Variants in SLC14A2 observed in about 807,000 individuals in gnomAD.
SLC14A2 encodes the protein solute carrier family 14 member 2.
A neutral mutation model predicts 104.6 loss-of-function variants in SLC14A2; 91 were observed. The observed-to-expected ratio is 0.87, with a 90% CI of 0.73 to 1.04. SLC14A2 has a LOEUF of 1.04. Among genes scored for constraint, SLC14A2 ranks in the 50% least tolerant of loss-of-function variants. SLC14A2 has a pLI of 0.00. For synonymous variants in SLC14A2, 476 were observed against 466.4 expected (o/e 1.02, Z -0.27); for missense variants, 1,189 against 1,156.0 (o/e 1.03, Z -0.41).
intron 1 of SLC14A2, among the ~76,000 whole-genome samples, chr18:45,437,684 T>C (rs1374375616): frequency 1.3e-5 from 2 of 152,210 alleles, no homozygotes; most frequent in African/African-American, 4.8e-5. Context: ...ATGCACTGCC[T>C]AAGCTCCAAT....
intron 16 of SLC14A2, among the ~76,000 whole-genome samples, chr18:45,670,947 A>C (rs2046123071): frequency 6.6e-6 from 1 of 152,126 alleles, no homozygotes; most frequent in South Asian, 2.1e-4. Flanking sequence ...ACAGGCGTGG[A>C]CCATTACACC....
At chr18:45,391,803 T>C (rs2085970761) in intron 1 of SLC14A2, among the ~76,000 whole-genome samples, 1 of 152,212 alleles carries the variant, frequency 6.6e-6, no homozygotes, top group Admixed American at 6.5e-5. Flanking sequence ...TTTGTTTGAG[T>C]TCATTGTAGA....
chr18:45,249,715 T>G (rs928028192), intron 1 of SLC14A2, among the ~76,000 whole-genome samples: 1 of 152,138 alleles, frequency 6.6e-6, no homozygotes, highest in Non-Finnish European at 1.5e-5. Context: ...TTTGAGAGGC[T>G]AAGGCAGGAG....
At chr18:45,397,636 T>C (rs753613065) in intron 1 of SLC14A2, among the ~76,000 whole-genome samples, 26 of 152,220 alleles carry the variant, frequency 1.7e-4, no homozygotes, top group Non-Finnish European at 3.7e-4. Flanking sequence ...CTGTTGATAG[T>C]TTCTTTGGCT....
At chr18:45,298,514 G>A (rs1324531537) in intron 1 of SLC14A2, among the ~76,000 whole-genome samples, 2 of 152,200 alleles carry the variant, frequency 1.3e-5, no homozygotes, top group East Asian at 3.9e-4. Context: ...CTTTCCTTGA[G>A]GCCCCTTTAG....
intron 2 of SLC14A2, among the ~76,000 whole-genome samples, chr18:45,498,007 CTT>C (rs1462147192): frequency 6.6e-6 from 1 of 152,048 alleles, no homozygotes; most frequent in Non-Finnish European, 1.5e-5. Flanking sequence ...CCTTCATAGA[CTT>C]AGGAGGTTAT....
rs752224678 is a variant in SLC14A2 at position 45,667,813 on chromosome 18, C to CT, written c.1718-19dup. ...CCCACACTGAGCACTTGCCTACTTC[C>CT]TGCCCCGGTTCCATTTCAGACAAGT... On this transcript the variant is annotated intron_variant, in intron 13 of 19. Transcript: ENST00000255226. The CT allele has an allele frequency of 6.2e-7, 1 of 1,610,148 alleles. No homozygotes were observed. The highest frequency in any genetic ancestry group is 8.5e-7 in the Non-Finnish European group (1 of 1,176,530).
At chr18:45,308,611 C>T (rs1024193140) in intron 1 of SLC14A2, among the ~76,000 whole-genome samples, 5 of 152,182 alleles carry the variant, frequency 3.3e-5, no homozygotes, top group South Asian at 2.1e-4. Context: ...ATGCCTGTGT[C>T]CTGGCATCTG....
chr18:45,467,274 C>G (rs1208788125), intron 1 of SLC14A2, among the ~76,000 whole-genome samples: 2 of 152,204 alleles, frequency 1.3e-5, no homozygotes, highest in African/African-American at 4.8e-5. Context: ...GGGGTGGGAG[C>G]TGGCCTCACG....
At chr18:45,379,902 G>T (rs1390650173) in intron 1 of SLC14A2, among the ~76,000 whole-genome samples, 7 of 152,172 alleles carry the variant, frequency 4.6e-5, no homozygotes, top group Admixed American at 3.9e-4. Flanking sequence ...GAGTAGCTAA[G>T]GAACACTATG....
intron 1 of SLC14A2, among the ~76,000 whole-genome samples, chr18:45,330,787 C>T (rs903409998): frequency 2.0e-5 from 3 of 152,128 alleles, no homozygotes; most frequent in African/African-American, 7.2e-5. Context: ...ATAAGAAGAT[C>T]AAGATTCTGG....
chr18:45,491,862 G>T (rs1413252601), intron 2 of SLC14A2, among the ~76,000 whole-genome samples: 1 of 152,224 alleles, frequency 6.6e-6, no homozygotes, highest in Non-Finnish European at 1.5e-5. Flanking sequence ...GGACCACTGG[G>T]GTCCCAGCCA....
intron 1 of SLC14A2, among the ~76,000 whole-genome samples, chr18:45,469,443 C>G (rs2087204081): frequency 6.6e-6 from 1 of 152,096 alleles, no homozygotes; most frequent in African/African-American, 2.4e-5. Context: ...AAGAGGAGCT[C>G]AGGGATACAG....
At chr18:45,273,327 T>C (rs1488303776) in intron 1 of SLC14A2, among the ~76,000 whole-genome samples, 4 of 152,172 alleles carry the variant, frequency 2.6e-5, no homozygotes, top group Non-Finnish European at 4.4e-5. Flanking sequence ...TTGTTGGCTC[T>C]GATTGGGTCA....
At chr18:45,290,061 T>TA (rs1193518448) in intron 1 of SLC14A2, among the ~76,000 whole-genome samples, 2 of 152,184 alleles carry the variant, frequency 1.3e-5, no homozygotes, top group Non-Finnish European at 2.9e-5. Context: ...CATTGGCCTT[T>TA]AAAAGTTTTC....
At chr18:45,261,677 T>C (rs57980829) in intron 1 of SLC14A2, among the ~76,000 whole-genome samples, 38,702 of 151,802 alleles carry the variant, frequency 0.25, 5,385 homozygotes, top group African/African-American at 0.37. Flanking sequence ...TTTGTCCTTG[T>C]GGTAGTTTAC....
At chr18:45,243,510 G>A (rs2084338440) in intron 1 of SLC14A2, among the ~76,000 whole-genome samples, 1 of 152,186 alleles carries the variant, frequency 6.6e-6, no homozygotes, top group Non-Finnish European at 1.5e-5. Context: ...TTAAAATGGG[G>A]AAACTAGGGT....
chr18:45,209,274 C>T (rs190115142), upstream of SLC14A2, among the ~76,000 whole-genome samples: 10 of 149,138 alleles, frequency 6.7e-5, no homozygotes, highest in Middle Eastern at 3.5e-3. Context: ...ACCCGGGAGG[C>T]GGAGCTTGCA....
At chr18:45,596,053 A>G (rs540911946) in intron 2 of SLC14A2, among the ~76,000 whole-genome samples, 1 of 152,288 alleles carries the variant, frequency 6.6e-6, no homozygotes, top group South Asian at 2.1e-4. Context: ...GGAGGAAAGC[A>G]TCTGTTCCAT....
Sources: allele counts gnomAD v4.1 joint callset (sites outside exome capture counted in the v4.1 genomes callset), GRCh38; gene constraint gnomAD v4.1.1; transcripts MANE v1.5; gene names NCBI Gene and HGNC (gene_info 2026-07-23, HGNC 2026-07-21).